Variants in COL19A1 observed in about 807,000 individuals in gnomAD.
The protein encoded by COL19A1 is collagen alpha-1(XIX) chain.
COL19A1 carries 159 observed loss-of-function variants against 190.2 expected under a neutral mutation model. The ratio of observed to expected loss-of-function variants is 0.84; its 90% CI spans 0.73 to 0.95. The LOEUF is 0.95. Among genes scored for constraint, COL19A1 ranks in the 40% least tolerant of loss-of-function variants. The pLI, the probability that COL19A1 is intolerant of heterozygous loss-of-function variation, is 0.00. For missense variants in COL19A1, 1,418 were observed against 1,431.9 expected (o/e 0.99, Z 0.16); for synonymous variants, 509 against 458.9 (o/e 1.11, Z -1.39).
At chr6:70,103,787 G>T (rs1363812966) in intron 16 of COL19A1, among the ~76,000 whole-genome samples, 1 of 152,044 alleles carries the variant, frequency 6.6e-6, no homozygotes. Flanking sequence ...ATGTTACTTT[G>T]GACTCTTATT....
chr6:69,914,955 A>G (rs921095728), intron 4 of COL19A1, among the ~76,000 whole-genome samples: 3 of 152,122 alleles, frequency 2.0e-5, no homozygotes, highest in African/African-American at 7.2e-5. Context: ...CTTGTCTCAC[A>G]TTCCTTATTA....
At chr6:70,022,044 A>T (rs1255503957) in intron 11 of COL19A1, among the ~76,000 whole-genome samples, 2 of 152,146 alleles carry the variant, frequency 1.3e-5, no homozygotes, top group Non-Finnish European at 2.9e-5. Flanking sequence ...ATACAGTAAT[A>T]ATACATATCC....
chr6:69,914,446 C>T (rs1438037493), intron 4 of COL19A1, among the ~76,000 whole-genome samples: 1 of 152,186 alleles, frequency 6.6e-6, no homozygotes, highest in African/African-American at 2.4e-5. Flanking sequence ...TCATATTTCT[C>T]TTCCTGGAAG....
intron 47 of COL19A1, 52 bp downstream of exon 47, chr6:70,188,297 C>A (rs760678898): frequency 6.6e-7 from 1 of 1,519,406 alleles, no homozygotes; most frequent in East Asian, 2.3e-5. Flanking sequence ...GACCATGTAT[C>A]CCTTTTACAA....
chr6:69,922,899 A>G (rs1469526277), intron 4 of COL19A1, among the ~76,000 whole-genome samples: 1 of 152,178 alleles, frequency 6.6e-6, no homozygotes, highest in Non-Finnish European at 1.5e-5. Context: ...TTGGGACTGC[A>G]CTTAGGCTTT....
intron 3 of COL19A1, 105 bp downstream of exon 3, chr6:69,899,127 T>G (rs1324176598): frequency 2.8e-6 from 2 of 720,318 alleles, no homozygotes; most frequent in Admixed American, 5.2e-5. Flanking sequence ...CAATTTAAGA[T>G]CATAGCATTA....
intron 1 of COL19A1, among the ~76,000 whole-genome samples, chr6:69,874,533 C>A (rs1332803173): frequency 1.3e-5 from 2 of 152,126 alleles, no homozygotes; most frequent in East Asian, 3.9e-4. Context: ...AGGCGGATCA[C>A]AAGGTCAGGA....
At chr6:69,995,433 T>C (rs1776849529) in intron 11 of COL19A1, among the ~76,000 whole-genome samples, 1 of 152,170 alleles carries the variant, frequency 6.6e-6, no homozygotes, top group East Asian at 1.9e-4. Context: ...TTAGGTAGCT[T>C]TCCTGCCATA....
At chr6:70,130,097 T>A in intron 17 of COL19A1, 85 bp from the exon 18 acceptor site, 1 of 1,455,898 alleles carries the variant, frequency 6.9e-7, no homozygotes, top group Admixed American at 2.0e-5. Context: ...AGAACTATTA[T>A]CTGACTGCTT....
chr6:69,882,837 C>G (rs1240204319), intron 2 of COL19A1, among the ~76,000 whole-genome samples: 1 of 152,144 alleles, frequency 6.6e-6, no homozygotes, highest in African/African-American at 2.4e-5. Context: ...AGTTGGCAAA[C>G]ACTTCACGCT....
chr6:69,933,329 T>C (rs1772900678), intron 7 of COL19A1, among the ~76,000 whole-genome samples: 1 of 152,136 alleles, frequency 6.6e-6, no homozygotes, highest in African/African-American at 2.4e-5. Context: ...TCAATCATTA[T>C]TGGATCAACT....
chr6:70,073,049 G>A (rs1781655689), intron 15 of COL19A1, among the ~76,000 whole-genome samples: 1 of 151,774 alleles, frequency 6.6e-6, no homozygotes, highest in Admixed American at 6.6e-5. Flanking sequence ...GTGCAGTGGT[G>A]CAGTCTTGGC....
Position 69,915,013 on chromosome 6 carries a change from C to G in COL19A1, c.267-12896C>G, listed in dbSNP as rs185877606. 1.9e-3 allele frequency among the ~76,000 whole-genome samples: 292 copies of G among 152,172 alleles called. 2 individuals carry two copies. Among genetic ancestry groups the G allele is most frequent in the African/African-American group, 6.8e-3 (284 of 41,552 alleles). ...CAGGAAACTGGTAATCATGAATTTT[C>G]TTCCTAATCCTTTCTTGTTCTGTAG... On this transcript the variant is annotated intron_variant, in intron 4 of 50. Transcript: ENST00000620364.
chr6:70,074,734 A>G (rs186871057), intron 15 of COL19A1, among the ~76,000 whole-genome samples: 1 of 150,922 alleles, frequency 6.6e-6, no homozygotes, highest in Non-Finnish European at 1.5e-5. Flanking sequence ...ATAGGAAGTA[A>G]TTTTGTTAGT....
intron 11 of COL19A1, among the ~76,000 whole-genome samples, chr6:70,013,495 A>T (rs1218135595): frequency 2.0e-5 from 1 of 50,898 alleles, no homozygotes; most frequent in Admixed American, 2.5e-4. Flanking sequence ...AGAGAGAAGA[A>T]TCAAATAGAC....
intron 4 of COL19A1, among the ~76,000 whole-genome samples, chr6:69,921,424 T>TTC (rs1771850365): frequency 3.5e-5 from 4 of 113,326 alleles, no homozygotes; most frequent in African/African-American, 1.7e-4. Flanking sequence ...ATATCATATA[T>TTC]ATCATATATA....
intron 31 of COL19A1, among the ~76,000 whole-genome samples, chr6:70,154,705 G>A (rs1014935405): frequency 6.6e-6 from 1 of 152,180 alleles, no homozygotes; most frequent in African/African-American, 2.4e-5. Flanking sequence ...CAAAAGTAGG[G>A]AAGCTGACAG....
intron 15 of COL19A1, among the ~76,000 whole-genome samples, chr6:70,084,889 A>AG (rs1782491084): frequency 6.6e-6 from 1 of 152,152 alleles, no homozygotes; most frequent in Non-Finnish European, 1.5e-5. Context: ...AAAAGGCATT[A>AG]ATTCTGGAGT....
chr6:69,989,021 T>A (rs547048483), intron 11 of COL19A1, among the ~76,000 whole-genome samples: 5 of 152,328 alleles, frequency 3.3e-5, no homozygotes, highest in Non-Finnish European at 7.4e-5. Context: ...GCTTCTCCCC[T>A]CTTTTCCTGT....
Sources: allele counts gnomAD v4.1 joint callset (sites outside exome capture counted in the v4.1 genomes callset), GRCh38; gene constraint gnomAD v4.1.1; transcripts MANE v1.5; gene names NCBI Gene and HGNC (gene_info 2026-07-23, HGNC 2026-07-21).